Variants in CDK18 observed in about 807,000 individuals in gnomAD.
The protein encoded by CDK18 is cyclin dependent kinase 18.
CDK18 carries 52 observed loss-of-function variants against 62.0 expected under a neutral mutation model. That is an observed-to-expected ratio of 0.84 (90% CI 0.67 to 1.06). The LOEUF is 1.06. Among genes scored for constraint, CDK18 ranks in the 50% least tolerant of loss-of-function variants. The probability of loss-of-function intolerance (pLI) is 0.00; values close to 1 mark genes in which losing one functional copy is unlikely to be tolerated. For missense variants in CDK18, 604 were observed against 619.9 expected, an observed-to-expected ratio of 0.97 and a Z score of 0.27; for synonymous variants, 237 against 247.0, an observed-to-expected ratio of 0.96 and a Z score of 0.38.
chr1:205,516,104 G>C lies in CDK18; in HGVS notation c.-21-7043G>C, dbSNP rs531792716. Reference sequence around the variant, plus strand: ...GGGTGACTGGCTTCCCCTGAGGTTTGTCCCAGGCTCCTGGAAACTAAGGCC... The same window carrying C: ...GGGTGACTGGCTTCCCCTGAGGTTTCTCCCAGGCTCCTGGAAACTAAGGCC... On this transcript the variant is annotated intron_variant, in intron 1 of 15. Coordinates refer to ENST00000429964, the MANE Select transcript of CDK18 (RefSeq NM_212502.3). The surrounding 1 kb of genome is among the most constrained non-coding windows in gnomAD (Gnocchi z 4.8). 4.7e-4 allele frequency among the ~76,000 whole-genome samples: 72 copies of C among 152,334 alleles called. No homozygotes were observed. The highest frequency in any genetic ancestry group is 1.7e-3 in the African/African-American group (72 of 41,576).
At position 205,530,609 on chromosome 1, in the gene CDK18, A is replaced by T. The variant is rs566462092; in HGVS notation, c.1313-19A>T. 3.1e-6 allele frequency: 5 copies of T among 1,611,452 alleles called. 1 individual carries two copies. The South Asian group carries it at 5.5e-5, about 18-fold the overall frequency. On this transcript the variant is annotated intron_variant, in intron 14 of 15. Coordinates refer to ENST00000429964, the MANE Select transcript of CDK18 (RefSeq NM_212502.3). ...AGCTCCACGCAGCCCTCTCCAGACT[A>T]TGCACTTCTCTCCCCCAGCTGCCTC...
At chr1:205,514,461 C>G (rs1344413829) in intron 1 of CDK18, among the ~76,000 whole-genome samples, 1 of 152,154 alleles carries the variant, frequency 6.6e-6, no homozygotes, top group Non-Finnish European at 1.5e-5. Flanking sequence ...CCACCCCAAT[C>G]ATGCTCAAGT....
At chr1:205,521,846 T>C (rs1174219999) in intron 1 of CDK18, among the ~76,000 whole-genome samples, 1 of 152,256 alleles carries the variant, frequency 6.6e-6, no homozygotes, top group Non-Finnish European at 1.5e-5. Context: ...CTGGTCGCCT[T>C]GGCAACTAGG....
intron 1 of CDK18, among the ~76,000 whole-genome samples, chr1:205,522,212 C>T (rs868367484): frequency 1.6e-4 from 24 of 152,028 alleles, no homozygotes; most frequent in Non-Finnish European, 2.6e-4. Flanking sequence ...TCAGAGGGCA[C>T]GAGGAGCTGG....
intron 13 of CDK18, 192 bp downstream of exon 13, chr1:205,529,755 G>A: frequency 2.6e-6 from 4 of 1,528,022 alleles, no homozygotes; most frequent in Middle Eastern, 1.7e-4. Flanking sequence ...TGCACTGCGA[G>A]CCCAAACCCG....
chr1:205,524,575 C>T (rs1189560664), intron 4 of CDK18, among the ~76,000 whole-genome samples: 2 of 152,242 alleles, frequency 1.3e-5, no homozygotes, highest in African/African-American at 4.8e-5. Context: ...ACTCTAAGCC[C>T]ACAGTGGGTC....
At chr1:205,523,672 AC>A in intron 3 of CDK18, 47 bp downstream of exon 3, 1 of 1,544,054 alleles carries the variant, frequency 6.5e-7, no homozygotes, top group Non-Finnish European at 8.7e-7. Context: ...GGATGCACGC[AC>A]AAGGGTGTGC....
chr1:205,523,324 C>T (rs761066008), intron 2 of CDK18, 27 bp downstream of exon 2: 5 of 1,613,732 alleles, frequency 3.1e-6, no homozygotes, highest in South Asian at 1.1e-5. Flanking sequence ...CACCCAGCAC[C>T]TCTCCCACCT....
rs562727311 is a variant in CDK18, at chr1:205,521,489, C to T, written c.-21-1658C>T. Among the ~76,000 whole-genome samples, 317 of 152,374 alleles carry T rather than the reference C, an allele frequency of 2.1e-3. 3 individuals are homozygous for T. The highest frequency in any genetic ancestry group is 0.019 in the Admixed American group (284 of 15,306). On this transcript the variant is annotated intron_variant, in intron 1 of 15. Transcript: ENST00000429964. Reference sequence around the variant, plus strand: ...TCAGCCTCCCAAAGTGCTGGGATTACAGGCATGAGCCACCATGCCCGGCCA... The same window carrying T: ...TCAGCCTCCCAAAGTGCTGGGATTATAGGCATGAGCCACCATGCCCGGCCA...
At position 205,528,298 on chromosome 1, in the gene CDK18, C is replaced by A; in HGVS notation, c.974+130C>A. On this transcript the variant is annotated intron_variant, in intron 10 of 15. Transcript: ENST00000429964. This position sits in a 1 kb window ranked among gnomAD's most constrained non-coding sequence, Gnocchi z 4.2. ...CTTTGCCTAAAAGCCTTGTGACATC[C>A]TGCTGAAATGGATGTTAAAAAATTA... The A allele has an allele frequency of 1.8e-6, 2 of 1,105,618 alleles. No homozygotes were observed. Among genetic ancestry groups the A allele is most frequent in the East Asian group, 2.5e-5 (1 of 40,144 alleles). The allele number at this position is 1,105,618 out of a possible 1,614,324, so 68.5% of individuals were successfully genotyped here.
chr1:205,528,740 A>ACCTCACAGAGTGAAAGGGGACTTT lies in CDK18; in HGVS notation c.975-242_975-219dup, dbSNP rs957586709. The ACCTCACAGAGTGAAAGGGGACTTT allele has an allele frequency of 2.3e-6, 1 of 441,110 alleles. No homozygotes were observed. The highest frequency in any genetic ancestry group is 5.7e-4 in the Middle Eastern group (1 of 1,752). The allele number at this position is 441,110 out of a possible 1,614,324, so 27.3% of individuals were successfully genotyped here. On this transcript the variant is annotated intron_variant, in intron 10 of 15. Transcript: ENST00000429964. The surrounding 1 kb of genome is among the most constrained non-coding windows in gnomAD (Gnocchi z 4.2). ...ATGGGCGCTGGCTGCACAGACCCAA[A>ACCTCACAGAGTGAAAGGGGACTTT]CCTCACAGAGTGAAAGGGGACTTTC... is the stretch of plus-strand genomic sequence containing the variant.
At position 205,524,373 on chromosome 1, in the gene CDK18, G is replaced by T. The variant is rs760874048; in HGVS notation, c.399+16G>T. The T allele has an allele frequency of 1.2e-6, 2 of 1,614,046 alleles. No individual in the cohort carries two copies. Among genetic ancestry groups the T allele is most frequent in the South Asian group, 2.2e-5 (2 of 91,080 alleles). On this transcript the variant is annotated intron_variant, in intron 4 of 15. Transcript: ENST00000429964. ...GGCCTCCCTGGTGAGTCCCAAGAGG[G>T]TCAGAGGACACAAGGTGGGGTGATA...
chr1:205,530,327 G>A lies in CDK18; in HGVS notation c.1290G>A (p.Glu430=), dbSNP rs763728421. The A allele has an allele frequency of 1.2e-6, 2 of 1,613,106 alleles. No homozygotes were observed. The highest frequency in any genetic ancestry group is 1.7e-6 in the Non-Finnish European group (2 of 1,180,028). Reference sequence around the variant, plus strand: ...ACTCCTACTTCCGGTCTCTGGGAGAGCGTGTGCACCAGCTTGAAGACAGTG... The same window carrying A: ...ACTCCTACTTCCGGTCTCTGGGAGAACGTGTGCACCAGCTTGAAGACAGTG... ...LSHSYFRSLG[E]RVHQLEDTAS... Residue 430 remains glutamate (E), a synonymous_variant, in exon 14 of 16, where the codon GAG becomes GAA. Transcript: ENST00000429964.
Position 205,529,085 on chromosome 1 carries a change from T to G in CDK18, c.1061T>G (p.Phe354Cys). 1 of 1,582,800 alleles carries G rather than the reference T, an allele frequency of 6.3e-7. No individual in the cohort carries two copies. Among genetic ancestry groups the G allele is most frequent in the South Asian group, 1.2e-5 (1 of 86,618 alleles). Residue 354 changes from phenylalanine (F) to cysteine (C), a missense_variant, in exon 11 of 16, where the codon TTT becomes TGT. Phe to Cys is a radical substitution (Grantham distance 205). Transcript: ENST00000429964. The part of the protein sequence containing the change: ...STVKEELHLI[F>C]RLLGTPTEET... ...GTCAAGGAGGAGCTGCACCTCATCTTTCGCCTCCTCGGTCAGTCTCCCGCT... is the reference window on the plus strand; with the variant it reads ...GTCAAGGAGGAGCTGCACCTCATCTGTCGCCTCCTCGGTCAGTCTCCCGCT...
At position 205,523,597 on chromosome 1, in the gene CDK18, G is replaced by T. The variant is rs778948701; in HGVS notation, c.245G>T (p.Arg82Leu). Reference sequence around the variant, plus strand: ...TCCCCTGGCGTGCAGTTCCAGCGGCGGCAGAACCAGCGCCGCTTCTCCATG... The same window carrying T: ...TCCCCTGGCGTGCAGTTCCAGCGGCTGCAGAACCAGCGCCGCTTCTCCATG... ...QLSPGVQFQR[R>L]QNQRRFSMED... Residue 82 changes from arginine (R) to leucine (L), a missense_variant, in exon 3 of 16, where the codon CGG (arginine) becomes CTG (leucine). Arg to Leu is a moderately radical substitution (Grantham distance 102, BLOSUM62 -2). Coordinates refer to ENST00000429964, the MANE Select transcript of CDK18 (RefSeq NM_212502.3). The T allele has an allele frequency of 1.9e-6, 3 of 1,581,982 alleles. No individual in the cohort carries two copies. Among genetic ancestry groups the T allele is most frequent in the South Asian group, 1.2e-5 (1 of 86,540 alleles).
chr1:205,528,638 A>C lies in CDK18; in HGVS notation c.975-361A>C, dbSNP rs2275346. 7.1e-6 allele frequency: 2 copies of C among 281,932 alleles called. No individual in the cohort carries two copies. The highest frequency in any genetic ancestry group is 6.6e-6 in the Non-Finnish European group (1 of 151,672). The allele number at this position is 281,932 out of a possible 1,614,324, so 17.5% of individuals were successfully genotyped here. ...CTCCGCCCCAAGGTTCCCCAGGAGA[A>C]TGGATTTATGTACTTCTCTTCCAGT... On this transcript the variant is annotated intron_variant, in intron 10 of 15. Transcript: ENST00000429964. The surrounding 1 kb of genome is among the most constrained non-coding windows in gnomAD (Gnocchi z 4.2).
intron 1 of CDK18, among the ~76,000 whole-genome samples, chr1:205,505,823 T>C (rs1667279060): frequency 6.6e-6 from 1 of 151,900 alleles, no homozygotes; most frequent in Non-Finnish European, 1.5e-5. Context: ...GCAGTCGGGG[T>C]GGGAGGATTG....
At chr1:205,520,062 C>T (rs984955029) in intron 1 of CDK18, among the ~76,000 whole-genome samples, 2 of 152,074 alleles carry the variant, frequency 1.3e-5, no homozygotes, top group African/African-American at 2.4e-5. Flanking sequence ...TGACAAAGCA[C>T]GGGGACATTG....
Position 205,524,228 on chromosome 1 carries a change from A to G in CDK18, c.274-4A>G. 6.2e-7 allele frequency: 1 copy of G among 1,614,112 alleles called. No homozygotes were observed. Among genetic ancestry groups the G allele is most frequent in the Non-Finnish European group, 8.5e-7 (1 of 1,179,990 alleles). On this transcript the variant is annotated splice_region_variant and splice_polypyrimidine_tract_variant and intron_variant, in intron 3 of 15. Transcript: ENST00000429964. Reference sequence around the variant, plus strand: ...GTGTCCCCATCTCATCCCTGTCACCACAGGACGTCAGCAAGAGGCTCTCTC... The same window carrying G: ...GTGTCCCCATCTCATCCCTGTCACCGCAGGACGTCAGCAAGAGGCTCTCTC...
Sources: gnomAD v4.1 joint callset for allele counts (sites outside exome capture counted in the v4.1 genomes callset) on GRCh38, gnomAD v4.1.1 for gene constraint, Gnocchi (gnomAD v3.1) non-coding constraint, MANE v1.5 for transcripts, NCBI Gene and HGNC (gene_info 2026-07-23, HGNC 2026-07-21) for gene names.